The following OGFOD2 variants were observed in gnomAD, a reference collection of about 807,000 sequenced individuals.
The protein encoded by OGFOD2 is 2-oxoglutarate and iron dependent oxygenase domain containing 2, also known as 2-oxoglutarate and iron-dependent oxygenase domain-containing protein 2.
In OGFOD2, 34 loss-of-function variants were observed where a neutral mutation model predicts 31.1. The observed-to-expected ratio is 1.09, with a 90% confidence interval of 0.83 to 1.45. The LOEUF (loss-of-function observed/expected upper bound fraction) is 1.45. Ranked by LOEUF, OGFOD2 falls within the 40% of genes most tolerant of loss-of-function variation. OGFOD2 has a pLI of 0.00. For missense variants in OGFOD2, 537 were observed against 433.9 expected, an observed-to-expected ratio of 1.24 and a Z score of -2.11; for synonymous variants, 240 against 192.3, an observed-to-expected ratio of 1.25 and a Z score of -2.05.
In OGFOD2 at chr12:122,978,840, CCT is replaced by C. The variant is rs745964102; in HGVS notation, c.620_621del (p.Pro207ArgfsTer30). 3.7e-6 allele frequency: 6 copies of C among 1,612,732 alleles called. No homozygotes were observed. In the African/African-American group the frequency reaches 6.7e-5, roughly 18 times the overall value. Reference sequence around the variant, plus strand: ...GCAGCCGCTGATGGCCCTGCTGTACCCTGACTGTGGCGGGGGCCGGCTCGACA... The same window carrying C: ...GCAGCCGCTGATGGCCCTGCTGTACCGACTGTGGCGGGGGCCGGCTCGACA... On this transcript the variant is annotated frameshift_variant, in exon 6 of 7. Coordinates refer to ENST00000228922, the Ensembl canonical transcript of OGFOD2. LOFTEE classifies it high-confidence loss of function.
chr12:122,976,137 G>A, intron 2 of OGFOD2: 2 of 593,820 alleles, frequency 3.4e-6, no homozygotes, highest in South Asian at 4.0e-5. Flanking sequence ...TTTGGATTGA[G>A]AAGCTGAGGC....
exon 6 of OGFOD2, chr12:122,978,909 C>G: frequency 6.2e-7 from 1 of 1,613,070 alleles, no homozygotes; most frequent in Non-Finnish European, 8.5e-7. Flanking sequence ...GGGCCAGGAC[C>G]TGGAGCTGGG....
intron 2 of OGFOD2, chr12:122,976,310 G>A: frequency 1.3e-6 from 2 of 1,504,328 alleles, no homozygotes; most frequent in Non-Finnish European, 9.2e-7. Flanking sequence ...AGTCAGTGGT[G>A]GGAAGCTTCC....
chr12:122,979,684 T>G (rs1429401456), exon 7 of OGFOD2: 3 of 309,238 alleles, frequency 9.7e-6, no homozygotes, highest in Middle Eastern at 9.1e-4. Context: ...GGTTACTGGC[T>G]CCTGGATGAG....
intron 4 of OGFOD2, 109 bp downstream of exon 4, chr12:122,977,079 A>C: frequency 9.8e-7 from 1 of 1,024,118 alleles, no homozygotes; most frequent in Non-Finnish European, 1.5e-6. Flanking sequence ...CCAAAAACCA[A>C]ACCAGCAGGA....
At chr12:122,976,631 G>A in intron 2 of OGFOD2, 23 bp from the exon 3 acceptor site, 1 of 1,541,940 alleles carries the variant, frequency 6.5e-7, no homozygotes, top group South Asian at 1.1e-5. Context: ...GCCCCACCTG[G>A]TAACAACCCT....
At chr12:122,977,063 C>A in intron 4 of OGFOD2, 93 bp downstream of exon 4, 1 of 1,280,716 alleles carries the variant, frequency 7.8e-7, no homozygotes, top group Non-Finnish European at 1.1e-6. Context: ...GCCACCATCT[C>A]TGCCTCCAAA....
chr12:122,978,291 C>T, intron 4 of OGFOD2, 151 bp from the exon 5 acceptor site: 2 of 927,368 alleles, frequency 2.2e-6, no homozygotes, highest in Non-Finnish European at 3.2e-6. Context: ...GCCTCCCCTG[C>T]TCCTCATGTT....
intron 4 of OGFOD2, chr12:122,977,243 C>A (rs1019721235): frequency 1.3e-5 from 6 of 462,326 alleles, no homozygotes; most frequent in Middle Eastern, 6.3e-4. Flanking sequence ...ATGTGTGGGA[C>A]AGCTGGCACA....
chr12:122,979,564 G>A, exon 7 of OGFOD2: 2 of 624,998 alleles, frequency 3.2e-6, no homozygotes, highest in African/African-American at 1.8e-5. Flanking sequence ...AAGCAGGGGA[G>A]GGGAGGGAGC....
exon 7 of OGFOD2, chr12:122,979,632 C>T (rs1356553457): frequency 8.4e-6 from 4 of 476,804 alleles, no homozygotes; most frequent in Non-Finnish European, 1.5e-5. Context: ...CCACGGAGAG[C>T]TCCAGGCAGA....
At chr12:122,979,910 T>C (rs1352659723) in exon 7 of OGFOD2, 1 of 296,658 alleles carries the variant, frequency 3.4e-6, no homozygotes, top group African/African-American at 2.2e-5. Context: ...CCCATTCTGC[T>C]TCTGCCACTT....
exon 1 of OGFOD2, chr12:122,975,269 T>C (rs199884326): frequency 1.6e-4 from 111 of 683,980 alleles, no homozygotes; most frequent in Non-Finnish European, 9.4e-5. Context: ...CGGTGGGGGC[T>C]CCGCGGCACT....
chr12:122,979,099 C>A (rs777427651), exon 7 of OGFOD2: 4 of 1,599,078 alleles, frequency 2.5e-6, no homozygotes, highest in Non-Finnish European at 3.4e-6. Context: ...ACAGCCCTGA[C>A]GGAGCCCCTG....
chr12:122,975,112 T>C, upstream of OGFOD2: 1 of 510,628 alleles, frequency 2.0e-6, no homozygotes, highest in East Asian at 3.0e-5. Context: ...GCAGACCGTT[T>C]CCTGGCGAGG....
At position 122,978,938 on chromosome 12, in the gene OGFOD2, C is replaced by T. The variant is rs573400808; in HGVS notation, c.717C>T (p.Ala239=). 188 of 1,613,294 alleles carry T rather than the reference C, an allele frequency of 1.2e-4. No homozygotes were observed. In the East Asian group the frequency reaches 1.8e-3, roughly 16 times the overall value. ...AGCTGGGCTGCCACTATGATAATGC[C>T]GAGCTCACCCTCAATGTGGCCTTGG... Residue 239 remains alanine, a synonymous_variant, in exon 6 of 7, where the codon GCC becomes GCT. Transcript: ENST00000228922.
chr12:122,976,916 G>T (rs750431991), exon 4 of OGFOD2: 1 of 1,613,528 alleles, frequency 6.2e-7, no homozygotes, highest in East Asian at 2.2e-5. Context: ...TGAGTACAGC[G>T]TGTCCCCAGA....
At position 122,976,024 on chromosome 12, in the gene OGFOD2, A is replaced by G. The variant is rs967430328; in HGVS notation, c.189+157A>G. On this transcript the variant is annotated intron_variant, in intron 2 of 6. Coordinates refer to ENST00000228922, the Ensembl canonical transcript of OGFOD2. ...CCCCCCACTCATCCCTCCACACCTGAGTCTTGGCACCAGGAGAGAGAAGGG... is the reference window on the plus strand; with the variant it reads ...CCCCCCACTCATCCCTCCACACCTGGGTCTTGGCACCAGGAGAGAGAAGGG... 6.5e-6 allele frequency: 4 copies of G among 614,794 alleles called. No individual in the cohort carries two copies. In the African/African-American group the frequency reaches 7.3e-5, roughly 11 times the overall value. The allele number at this position is 614,794 out of a possible 1,614,324, so 38.1% of individuals were successfully genotyped here. A position where few individuals can be genotyped will look rare whatever the true frequency, so the allele number is the denominator to read the frequency against.
At position 122,976,651 on chromosome 12, in the gene OGFOD2, CAGCTTG is replaced by C; in HGVS notation, c.191_196del (p.Leu64_Glu65del). 1 of 1,593,566 alleles carries C rather than the reference CAGCTTG, an allele frequency of 6.3e-7. No homozygotes were observed. Among genetic ancestry groups the C allele is most frequent in the Non-Finnish European group, 8.6e-7 (1 of 1,161,450 alleles). ...ACCTGGTAACAACCCTGTGCCACCC[CAGCTTG>C]AGCAGGAGGTGGAGCGGCGGCAGCG... On this transcript the variant is annotated splice_acceptor_variant and coding_sequence_variant, in exon 3 of 7. Coordinates refer to ENST00000228922, the Ensembl canonical transcript of OGFOD2. LOFTEE classifies it high-confidence loss of function.
Sources: allele counts gnomAD v4.1 joint callset, GRCh38; gene constraint gnomAD v4.1.1; transcripts MANE v1.5; gene names NCBI Gene and HGNC (gene_info 2026-07-23, HGNC 2026-07-21).